CUX1: variants seen among roughly 807,000 people sequenced by gnomAD.
CUX1 encodes the protein protein CASP.
In CUX1, 31 loss-of-function variants were observed where a neutral mutation model predicts 158.8. The ratio of observed to expected loss-of-function variants is 0.20; its 90% CI spans 0.15 to 0.26. The LOEUF (loss-of-function observed/expected upper bound fraction) is 0.26. Ranked by LOEUF, CUX1 falls within the 10% of genes least tolerant of loss-of-function variation. The pLI, the probability that CUX1 is intolerant of heterozygous loss-of-function variation, is 1.00. For missense variants in CUX1, 1,589 were observed against 2,014.6 expected, an observed-to-expected ratio of 0.79 and a Z score of 4.04; for synonymous variants, 879 against 862.1, an observed-to-expected ratio of 1.02 and a Z score of -0.34.
chr7:101,870,121 C>A (rs1286210297), intron 1 of CUX1, among the ~76,000 whole-genome samples: 1 of 150,576 alleles, frequency 6.6e-6, no homozygotes, highest in Non-Finnish European at 1.5e-5. Context: ...GCTTGTGAGG[C>A]CATGCAGGCC....
At chr7:102,170,880 C>A (rs1382738159) in intron 10 of CUX1, among the ~76,000 whole-genome samples, 3 of 151,874 alleles carry the variant, frequency 2.0e-5, no homozygotes, top group African/African-American at 7.3e-5. Flanking sequence ...GGGTGCAGAC[C>A]CGAACCAGGA....
Position 102,179,150 on chromosome 7 carries a change from C to T in CUX1, c.1017+493C>T, listed in dbSNP as rs113774596. On this transcript the variant is annotated intron_variant, in intron 11 of 23. Transcript: ENST00000292535. Reference sequence around the variant, plus strand: ...GCAACCTCCACCTCCCAGGTTCAAGCGATTCTCCTGCCTCAGCCTCCTGAG... The same window carrying T: ...GCAACCTCCACCTCCCAGGTTCAAGTGATTCTCCTGCCTCAGCCTCCTGAG... Among the ~76,000 whole-genome samples, 818 of 152,170 alleles carry T rather than the reference C, an allele frequency of 5.4e-3. 2 individuals carry two copies. Among genetic ancestry groups the T allele is most frequent in the Non-Finnish European group, 8.4e-3 (574 of 67,984 alleles).
chr7:102,166,524 C>T (rs533623487), intron 9 of CUX1, among the ~76,000 whole-genome samples: 50 of 152,268 alleles, frequency 3.3e-4, no homozygotes, highest in African/African-American at 1.1e-3. Flanking sequence ...GCTGGTTTAA[C>T]AGGGGTCTTC....
At chr7:101,980,679 C>T (rs1052096591) in intron 2 of CUX1, among the ~76,000 whole-genome samples, 4 of 152,128 alleles carry the variant, frequency 2.6e-5, no homozygotes, top group Non-Finnish European at 5.9e-5. Context: ...TGACATAAAC[C>T]ACCTTCTTCT....
chr7:101,816,176 C>A, upstream of CUX1: 2 of 656,238 alleles, frequency 3.0e-6, no homozygotes, highest in Non-Finnish European at 3.8e-6. Flanking sequence ...CCCGGGCTGG[C>A]CCAGCCGCCG....
chr7:102,216,566 TCCCACACACA>T (rs1797108367), intron 20 of CUX1, among the ~76,000 whole-genome samples: 1 of 29,648 alleles, frequency 3.4e-5, no homozygotes. Flanking sequence ...GCACACACAC[TCCCACACACA>T]CACTCTCCCA....
At chr7:101,969,434 A>G (rs1247284341) in intron 2 of CUX1, among the ~76,000 whole-genome samples, 2 of 148,816 alleles carry the variant, frequency 1.3e-5, no homozygotes, top group Middle Eastern at 3.4e-3. Flanking sequence ...TTGAATTTGG[A>G]TTAGGAAGGT....
At chr7:102,086,649 G>A (rs576038064) in intron 4 of CUX1, among the ~76,000 whole-genome samples, 24 of 151,350 alleles carry the variant, frequency 1.6e-4, no homozygotes, top group South Asian at 1.3e-3. Context: ...TCGCTCTGTC[G>A]CCCAGAGTTG....
chr7:101,977,998 A>T (rs767596303), intron 2 of CUX1, among the ~76,000 whole-genome samples: 21 of 151,212 alleles, frequency 1.4e-4, no homozygotes, highest in Non-Finnish European at 2.8e-4. Flanking sequence ...TCTGAGATAC[A>T]GGCTCTCCTG....
intron 8 of CUX1, among the ~76,000 whole-genome samples, chr7:102,137,829 T>G (rs1389266313): frequency 1.3e-5 from 2 of 152,120 alleles, no homozygotes; most frequent in Non-Finnish European, 2.9e-5. Context: ...TCCCTAACAT[T>G]ATTATGCTAC....
intron 4 of CUX1, among the ~76,000 whole-genome samples, chr7:102,090,688 C>CTTTTTTTTTTT (rs34834342): frequency 7.3e-6 from 1 of 136,504 alleles, no homozygotes. Flanking sequence ...CACCCCGCCT[C>CTTTTTTTTTTT]TTTTTTTTTT....
chr7:102,178,991 T>A (rs1166572391), intron 11 of CUX1, among the ~76,000 whole-genome samples: 2 of 151,830 alleles, frequency 1.3e-5, no homozygotes, highest in African/African-American at 4.8e-5. Flanking sequence ...CAGCCTCCCA[T>A]GTAGCTGGGA....
intron 3 of CUX1, among the ~76,000 whole-genome samples, chr7:102,043,308 A>G (rs896360968): frequency 4.1e-5 from 6 of 145,728 alleles, no homozygotes; most frequent in African/African-American, 1.5e-4. Flanking sequence ...ATCTGACAAC[A>G]TACCCATTAG....
At chr7:102,007,684 G>A (rs1016325659) in intron 2 of CUX1, among the ~76,000 whole-genome samples, 8 of 151,022 alleles carry the variant, frequency 5.3e-5, no homozygotes, top group Non-Finnish European at 8.8e-5. Context: ...TCTGGGGAAC[G>A]TTGTCTTCCT....
rs190887586 is a variant in CUX1 at position 102,282,215 on chromosome 7, G to T, written c.1902+295G>T. Among the ~76,000 whole-genome samples, 219 of 152,320 alleles carry T rather than the reference G, an allele frequency of 1.4e-3. 3 individuals are homozygous for T. Among genetic ancestry groups the T allele is most frequent in the Admixed American group, 0.012 (180 of 15,298 alleles). ...TTCATAGGAAGAAGGGATGGAGTGGGAAGGGAGCAGGTCTAATGAACTCCA... is the reference window on the plus strand; with the variant it reads ...TTCATAGGAAGAAGGGATGGAGTGGTAAGGGAGCAGGTCTAATGAACTCCA... On this transcript the variant is annotated intron_variant, in intron 21 of 22. Transcript: ENST00000292538.
intron 2 of CUX1, chr7:101,959,607 A>G (rs1810211691): frequency 6.6e-6 from 1 of 152,126 alleles, no homozygotes; most frequent in Non-Finnish European, 1.5e-5. Context: ...CCCACGTAAG[A>G]TCTCTCATTA....
At chr7:102,219,480 T>C (rs1258945155) in intron 20 of CUX1, among the ~76,000 whole-genome samples, 2 of 152,162 alleles carry the variant, frequency 1.3e-5, no homozygotes, top group African/African-American at 4.8e-5. Flanking sequence ...GCCCAAAGCT[T>C]GATGCTGCCA....
chr7:101,876,239 G>A (rs1799117382), intron 1 of CUX1, among the ~76,000 whole-genome samples: 1 of 151,762 alleles, frequency 6.6e-6, no homozygotes, highest in African/African-American at 2.4e-5. Flanking sequence ...CAGCTACTCT[G>A]GAGGCTGAGG....
chr7:102,117,007 T>A (rs201505), intron 8 of CUX1, among the ~76,000 whole-genome samples: 1 of 152,074 alleles, frequency 6.6e-6, no homozygotes, highest in South Asian at 2.1e-4. Flanking sequence ...CAATCCAGCA[T>A]GCCCAGTGCT....
Sources: allele counts gnomAD v4.1 joint callset (sites outside exome capture counted in the v4.1 genomes callset), GRCh38; gene constraint gnomAD v4.1.1; transcripts MANE v1.5; gene names NCBI Gene and HGNC (gene_info 2026-07-23, HGNC 2026-07-21).